Variants in PPARGC1A observed in about 807,000 individuals in gnomAD.
PPARGC1A encodes PPARG coactivator 1 alpha.
Under a neutral mutation model 88.7 loss-of-function variants are expected in PPARGC1A, and 25 were observed. That is an observed-to-expected ratio of 0.28 (90% CI 0.21 to 0.39). PPARGC1A has a LOEUF of 0.39. Ranked by LOEUF, PPARGC1A falls within the 10% of genes least tolerant of loss-of-function variation. The pLI is 1.00. For synonymous variants in PPARGC1A, 363 were observed against 355.6 expected (o/e 1.02, Z -0.24); for missense variants, 880 against 968.7 (o/e 0.91, Z 1.22).
chr4:23,801,914 T>TA (rs1438478070), intron 11 of PPARGC1A, 33 bp from the exon 12 acceptor site: 3 of 1,611,864 alleles, frequency 1.9e-6, no homozygotes, highest in Non-Finnish European at 2.5e-6. Context: ...CAAAGCTGGT[T>TA]AAGAAGTATT....
chr4:23,976,519 T>C, the PPARGC1A span, among the ~76,000 whole-genome samples: 1 of 152,232 alleles, frequency 6.6e-6, no homozygotes, highest in Non-Finnish European at 1.5e-5. Context: ...GCAGCTGTTT[T>C]GGACTGAATT....
chr4:23,878,629 A>G (rs1715300475), intron 2 of PPARGC1A, among the ~76,000 whole-genome samples: 1 of 152,188 alleles, frequency 6.6e-6, no homozygotes. Context: ...CGAGAAGTCT[A>G]AAACCACAGT....
At chr4:23,957,565 T>A in the PPARGC1A span, among the ~76,000 whole-genome samples, 9 of 152,252 alleles carry the variant, frequency 5.9e-5, no homozygotes, top group Middle Eastern at 6.8e-3. Flanking sequence ...AGCCATCATG[T>A]ATCTATTCAT....
At chr4:24,387,788 G>GAAAGAAAGAAAT in the PPARGC1A span, among the ~76,000 whole-genome samples, 1 of 94,274 alleles carries the variant, frequency 1.1e-5, no homozygotes. Flanking sequence ...AAGAAAGAAA[G>GAAAGAAAGAAAT]AAAGAAAGAA....
At chr4:24,252,695 G>A in the PPARGC1A span, among the ~76,000 whole-genome samples, 1 of 151,902 alleles carries the variant, frequency 6.6e-6, no homozygotes, top group African/African-American at 2.4e-5. Context: ...TCCACCCCCT[G>A]TGATGGCCCT....
the PPARGC1A span, among the ~76,000 whole-genome samples, chr4:24,267,000 G>A: frequency 0.31 from 46,573 of 151,792 alleles, 7,912 homozygotes; most frequent in Non-Finnish European, 0.38. Context: ...CATACTTTAG[G>A]TACATCAGCT....
chr4:24,203,885 C>A, the PPARGC1A span, among the ~76,000 whole-genome samples: 1 of 152,170 alleles, frequency 6.6e-6, no homozygotes, highest in African/African-American at 2.4e-5. Flanking sequence ...TTGAAGTGTT[C>A]ATTTAAAAAT....
chr4:23,966,923 T>TGCACTAGCTGTGTGCACTA, the PPARGC1A span, among the ~76,000 whole-genome samples: 1 of 152,168 alleles, frequency 6.6e-6, no homozygotes, highest in Non-Finnish European at 1.5e-5. Flanking sequence ...CACTAGCTGT[T>TGCACTAGCTGTGTGCACTA]GGTGTGAGGC....
At chr4:23,876,511 C>T (rs1027208479) in intron 2 of PPARGC1A, among the ~76,000 whole-genome samples, 1 of 152,086 alleles carries the variant, frequency 6.6e-6, no homozygotes, top group Non-Finnish European at 1.5e-5. Flanking sequence ...GTGAGGAGGA[C>T]CCTGGAACTC....
At chr4:24,077,624 GGTGTGTGT>G in the PPARGC1A span, among the ~76,000 whole-genome samples, 1,931 of 130,954 alleles carry the variant, frequency 0.015, 21 homozygotes, top group African/African-American at 0.029. Context: ...TGTGTCTAGG[GGTGTGTGT>G]GTGTGTGTGT....
At chr4:24,073,705 G>A in the PPARGC1A span, among the ~76,000 whole-genome samples, 2 of 152,246 alleles carry the variant, frequency 1.3e-5, no homozygotes, top group East Asian at 3.9e-4. Context: ...TACAGATGGG[G>A]AAAACATGGA....
At chr4:24,406,142 G>A in the PPARGC1A span, among the ~76,000 whole-genome samples, 253 of 152,296 alleles carry the variant, frequency 1.7e-3, 3 homozygotes, top group East Asian at 0.027. Flanking sequence ...AGTGCTGCAC[G>A]TAAAATGTCA....
At chr4:24,206,840 TAAAAAAAAAAAAAAAAAA>T in the PPARGC1A span, among the ~76,000 whole-genome samples, 31 of 43,682 alleles carry the variant, frequency 7.1e-4, no homozygotes, top group African/African-American at 2.0e-3. Flanking sequence ...GACTTCACCT[TAAAAAAAAAAAAAAAAAA>T]AAAAAAAAAA....
the PPARGC1A span, among the ~76,000 whole-genome samples, chr4:24,351,393 CA>C: frequency 9.9e-3 from 865 of 87,140 alleles, 5 homozygotes; most frequent in Middle Eastern, 0.027. Flanking sequence ...GATCCTGTCT[CA>C]AAAAAAAAAA....
the PPARGC1A span, among the ~76,000 whole-genome samples, chr4:24,463,889 C>T: frequency 3.0e-4 from 45 of 152,338 alleles, no homozygotes; most frequent in African/African-American, 9.6e-4. Flanking sequence ...TCCATTTTGA[C>T]TGTTTGCTTC....
At chr4:24,243,438 G>A in the PPARGC1A span, among the ~76,000 whole-genome samples, 2 of 152,172 alleles carry the variant, frequency 1.3e-5, no homozygotes, top group Admixed American at 6.5e-5. Context: ...AAGTAATTCA[G>A]TCAATGAACT....
At chr4:24,116,833 C>T in the PPARGC1A span, among the ~76,000 whole-genome samples, 4 of 152,180 alleles carry the variant, frequency 2.6e-5, no homozygotes, top group South Asian at 8.3e-4. Flanking sequence ...CCCTGTCTAT[C>T]CCCTACACCA....
the PPARGC1A span, among the ~76,000 whole-genome samples, chr4:23,911,901 TAACTGAAAC>T: frequency 2.0e-5 from 3 of 152,176 alleles, no homozygotes; most frequent in African/African-American, 7.2e-5. Flanking sequence ...TCACCTTGTG[TAACTGAAAC>T]TAAAAAGCAC....
intron 2 of PPARGC1A, among the ~76,000 whole-genome samples, chr4:23,865,967 ACACG>A (rs910640316): frequency 2.6e-5 from 4 of 151,058 alleles, no homozygotes; most frequent in African/African-American, 9.8e-5. Context: ...ACACACACAC[ACACG>A]CACACATGTA....
Sources: gnomAD v4.1 joint callset for allele counts (sites outside exome capture counted in the v4.1 genomes callset) on GRCh38, gnomAD v4.1.1 for gene constraint, MANE v1.5 for transcripts, NCBI Gene and HGNC (gene_info 2026-07-23, HGNC 2026-07-21) for gene names.